The following RSRC1 variants were observed in gnomAD, a reference collection of about 807,000 sequenced individuals.
The protein encoded by RSRC1 is arginine and serine rich coiled-coil 1.
A neutral mutation model predicts 49.1 loss-of-function variants in RSRC1; 39 were observed. That is an observed-to-expected ratio of 0.79 (90% CI 0.61 to 1.04). RSRC1 has a LOEUF of 1.04. Ranked by LOEUF, RSRC1 falls within the 50% of genes least tolerant of loss-of-function variation. The pLI is 0.00. For synonymous variants in RSRC1, 143 were observed against 130.8 expected, an observed-to-expected ratio of 1.09 and a Z score of -0.63; for missense variants, 388 against 402.4, an observed-to-expected ratio of 0.96 and a Z score of 0.31.
intron 3 of RSRC1, among the ~76,000 whole-genome samples, chr3:158,174,737 A>G (rs192101935): frequency 1.7e-4 from 26 of 152,202 alleles, no homozygotes; most frequent in Middle Eastern, 3.4e-3. Flanking sequence ...TAATATAAAC[A>G]TGCCACAATT....
At chr3:158,530,066 C>T (rs1430978550) in intron 7 of RSRC1, among the ~76,000 whole-genome samples, 1 of 151,858 alleles carries the variant, frequency 6.6e-6, no homozygotes, top group African/African-American at 2.4e-5. Context: ...CCTGGCACAC[C>T]ACAGGTTTAC....
Position 158,284,818 on chromosome 3 carries a change from G to A in RSRC1, c.495-13221G>A, listed in dbSNP as rs1164954240. On this transcript the variant is annotated intron_variant, in intron 4 of 9. Transcript: ENST00000611884. The stretch of plus-strand genomic sequence containing the variant: ...GCCCTTTGTCAGATGAGTAGGTTGC[G>A]AAAATTTTCTCCCATTTTGTAGGTT... 1.9e-4 allele frequency among the ~76,000 whole-genome samples: 28 copies of A among 150,400 alleles called. No individual in the cohort carries two copies. The East Asian group carries it at 2.8e-3, about 15-fold the overall frequency.
chr3:158,285,394 T>A (rs1726462872), intron 4 of RSRC1, among the ~76,000 whole-genome samples: 1 of 152,228 alleles, frequency 6.6e-6, no homozygotes, highest in Non-Finnish European at 1.5e-5. Context: ...TTTGGTTCCA[T>A]ATGAACTTTA....
intron 3 of RSRC1, among the ~76,000 whole-genome samples, chr3:158,126,738 C>T (rs1457070966): frequency 2.0e-5 from 3 of 152,038 alleles, no homozygotes; most frequent in Non-Finnish European, 2.9e-5. Flanking sequence ...TTGCAGGACT[C>T]CTCTTAGTAT....
chr3:158,470,092 T>C (rs952430363), intron 7 of RSRC1, among the ~76,000 whole-genome samples: 36 of 152,012 alleles, frequency 2.4e-4, no homozygotes, highest in African/African-American at 8.5e-4. Context: ...GGATACTAAA[T>C]TACTGATTAC....
intron 5 of RSRC1, among the ~76,000 whole-genome samples, chr3:158,316,194 TAAAAA>T (rs948130388): frequency 1.3e-5 from 2 of 150,278 alleles, no homozygotes; most frequent in African/African-American, 4.9e-5. Context: ...AAGCTGATAA[TAAAAA>T]GAAAGTATTT....
chr3:158,325,773 T>C (rs1239610567), intron 5 of RSRC1, among the ~76,000 whole-genome samples: 3 of 152,162 alleles, frequency 2.0e-5, no homozygotes, highest in Non-Finnish European at 1.5e-5. Flanking sequence ...AAGAAAGTCA[T>C]TGGTAGCTTG....
chr3:158,294,086 CATT>C (rs1727095107), intron 4 of RSRC1, among the ~76,000 whole-genome samples: 1 of 152,070 alleles, frequency 6.6e-6, no homozygotes, highest in Non-Finnish European at 1.5e-5. Flanking sequence ...AAATCTCTGT[CATT>C]ATTTCTTCAA....
intron 4 of RSRC1, among the ~76,000 whole-genome samples, chr3:158,259,571 C>T (rs1263540070): frequency 6.6e-6 from 1 of 152,148 alleles, no homozygotes; most frequent in Non-Finnish European, 1.5e-5. Flanking sequence ...GCGGTGATCA[C>T]TGTCTGGCTA....
At chr3:158,198,557 G>T (rs565848793) in intron 3 of RSRC1, among the ~76,000 whole-genome samples, 11 of 152,196 alleles carry the variant, frequency 7.2e-5, no homozygotes, top group African/African-American at 2.2e-4. Context: ...TATTTTGCTC[G>T]TTAGTTGATG....
chr3:158,229,343 T>G (rs1279698314), intron 4 of RSRC1, among the ~76,000 whole-genome samples: 1 of 148,964 alleles, frequency 6.7e-6, no homozygotes, highest in African/African-American at 2.5e-5. Context: ...TGTGTATGTA[T>G]GTATATATAT....
At chr3:158,148,316 A>C (rs1717289483) in intron 3 of RSRC1, among the ~76,000 whole-genome samples, 1 of 151,920 alleles carries the variant, frequency 6.6e-6, no homozygotes, top group Non-Finnish European at 1.5e-5. Context: ...CATTCTCCTC[A>C]TAAAATGTGC....
rs1559931927 is a variant in RSRC1, at chr3:158,180,450, T to TGTGTGTGTG, written c.321-22622_321-22621insGTGTGTGTG. The stretch of plus-strand genomic sequence containing the variant: ...TGTGTGTGTGTGTGTGTGTGTGTGT[T>TGTGTGTGTG]TATGTGTCTGTGTGTGTGTAATTTT... On this transcript the variant is annotated intron_variant, in intron 3 of 9. Transcript: ENST00000611884. Among the ~76,000 whole-genome samples the TGTGTGTGTG allele has an allele frequency of 6.0e-3, 308 of 51,498 alleles. 3 individuals carry two copies. The highest frequency in any genetic ancestry group is 0.023 in the African/African-American group (299 of 12,984). 33.8% of individuals were successfully genotyped at this position (51,498 alleles called of 152,430 possible).
intron 3 of RSRC1, among the ~76,000 whole-genome samples, chr3:158,194,112 A>G (rs1199622582): frequency 2.0e-5 from 3 of 148,054 alleles, no homozygotes; most frequent in Admixed American, 1.3e-4. Context: ...CAGAAAAGAA[A>G]TTAGCTGAGC....
At chr3:158,254,457 A>T (rs957093444) in intron 4 of RSRC1, among the ~76,000 whole-genome samples, 13 of 151,550 alleles carry the variant, frequency 8.6e-5, no homozygotes, top group Non-Finnish European at 1.6e-4. Flanking sequence ...TTTGAGACGG[A>T]GTCTCGCTCT....
chr3:158,111,585 A>C (rs1200558043), intron 1 of RSRC1, among the ~76,000 whole-genome samples: 1 of 152,168 alleles, frequency 6.6e-6, no homozygotes, highest in East Asian at 1.9e-4. Context: ...AGAATTCTTT[A>C]TCTCTTTTGA....
At chr3:158,134,340 A>T (rs1444039902) in intron 3 of RSRC1, among the ~76,000 whole-genome samples, 1 of 152,026 alleles carries the variant, frequency 6.6e-6, no homozygotes, top group Non-Finnish European at 1.5e-5. Flanking sequence ...TAAATTAAAA[A>T]TTTTTTTCTT....
At chr3:158,233,064 C>T in intron 4 of RSRC1, among the ~76,000 whole-genome samples, 1 of 152,046 alleles carries the variant, frequency 6.6e-6, no homozygotes, top group Non-Finnish European at 1.5e-5. Context: ...GTGACCCTCT[C>T]ATTCTTTTCC....
chr3:158,289,953 A>ATCC (rs1726825902), intron 4 of RSRC1, among the ~76,000 whole-genome samples: 1 of 151,830 alleles, frequency 6.6e-6, no homozygotes, highest in Non-Finnish European at 1.5e-5. Context: ...CCATCCATCC[A>ATCC]TCCATCCAAG....
Sources: gnomAD v4.1 joint callset for allele counts (sites outside exome capture counted in the v4.1 genomes callset) on GRCh38, gnomAD v4.1.1 for gene constraint, MANE v1.5 for transcripts, NCBI Gene and HGNC (gene_info 2026-07-23, HGNC 2026-07-21) for gene names.